Variants in SERPINC1 observed in about 807,000 individuals in gnomAD.
The protein encoded by SERPINC1 is serpin family C member 1.
Under a neutral mutation model 43.4 loss-of-function variants are expected in SERPINC1, and 12 were observed. The ratio of observed to expected loss-of-function variants is 0.28; its 90% CI spans 0.18 to 0.45. The LOEUF is 0.45. Among genes scored for constraint, SERPINC1 ranks in the 20% least tolerant of loss-of-function variants. The pLI is 1.00. For missense variants in SERPINC1, 423 were observed against 578.8 expected (o/e 0.73, Z 2.76); for synonymous variants, 210 against 218.9 (o/e 0.96, Z 0.36).
chr1:173,914,801 T>G lies in SERPINC1; in HGVS notation c.160A>C (p.Ile54Leu), dbSNP rs780670128. The change falls in exon 2 of 7, where the codon ATT becomes CTT. Residue 54 changes from isoleucine to leucine, a missense_variant. Coordinates refer to ENST00000367698, the MANE Select transcript of SERPINC1 (RefSeq NM_000488.4). ...PRDIPMNPMC[I>L]YRSPEKKATE... ...GCCTTCTTCTCCGGGGAGCGGTAAA[T>G]GCACATGGGATTCATGGGAATGTCC... 6.2e-7 allele frequency: 1 copy of G among 1,614,022 alleles called. No individual in the cohort carries two copies. Among genetic ancestry groups the G allele is most frequent in the Admixed American group, 1.7e-5 (1 of 60,006 alleles).
chr1:173,913,077 G>A (rs999541952), intron 2 of SERPINC1, among the ~76,000 whole-genome samples: 1 of 152,176 alleles, frequency 6.6e-6, no homozygotes, highest in African/African-American at 2.4e-5. Flanking sequence ...CATGGAAATT[G>A]ACCACTAGAA....
At chr1:173,914,411 G>A in intron 2 of SERPINC1, 142 bp downstream of exon 2, 1 of 906,132 alleles carries the variant, frequency 1.1e-6, no homozygotes, top group Middle Eastern at 3.3e-4. Context: ...TTATAACACA[G>A]TGATGTTCAA....
At chr1:173,905,736 T>A (rs1657476166) in intron 6 of SERPINC1, among the ~76,000 whole-genome samples, 1 of 146,984 alleles carries the variant, frequency 6.8e-6, no homozygotes, top group Non-Finnish European at 1.5e-5. Context: ...AAAAAAAAAA[T>A]CTCATTAGGA....
chr1:173,907,211 C>T (rs1657554329), intron 6 of SERPINC1, among the ~76,000 whole-genome samples: 1 of 152,122 alleles, frequency 6.6e-6, no homozygotes, highest in Non-Finnish European at 1.5e-5. Context: ...CCTTTGCTGG[C>T]TTCTTTTCCT....
Position 173,907,890 on chromosome 1 carries a change from A to G in SERPINC1, c.1154-376T>C, listed in dbSNP as rs542404987. ...CAGCTACTTGGAAGACTGAGGCAGG[A>G]GAATCGCTTGAACTCGGGAGGTGGA... On this transcript the variant is annotated intron_variant, in intron 5 of 6. Transcript: ENST00000367698. 9.8e-4 allele frequency among the ~76,000 whole-genome samples: 148 copies of G among 151,752 alleles called. 1 individual carries two copies. The highest frequency in any genetic ancestry group is 1.8e-3 in the Non-Finnish European group (119 of 67,962).
At chr1:173,909,265 C>T (rs1356304489) in intron 5 of SERPINC1, among the ~76,000 whole-genome samples, 41 of 152,166 alleles carry the variant, frequency 2.7e-4, no homozygotes, top group Non-Finnish European at 2.8e-4. Flanking sequence ...ATTCCAATGC[C>T]CTTTCAAATT....
intron 5 of SERPINC1, 135 bp from the exon 6 acceptor site, chr1:173,907,649 A>G: frequency 1.3e-6 from 1 of 759,758 alleles, no homozygotes; most frequent in Non-Finnish European, 2.4e-6. Context: ...TCTTCACCTA[A>G]TCATACTCTC....
chr1:173,904,072 G>T lies in SERPINC1; in HGVS notation c.1219-7C>A. 1 of 1,614,024 alleles carries T rather than the reference G, an allele frequency of 6.2e-7. No individual in the cohort carries two copies. Among genetic ancestry groups the T allele is most frequent in the South Asian group, 1.1e-5 (1 of 91,080 alleles). ...CACTGCCTTCTTCATTTACCTGCAG[G>T]TCACATGGGAAATAAAACTAAATTA... On this transcript the variant is annotated splice_region_variant and splice_polypyrimidine_tract_variant and intron_variant, in intron 6 of 6. Coordinates refer to ENST00000367698, the MANE Select transcript of SERPINC1 (RefSeq NM_000488.4).
Position 173,908,653 on chromosome 1 carries a change from C to T in SERPINC1, c.1153+899G>A, listed in dbSNP as rs760506236. ...ACAGTACACCACAGCGTTGACCTCC[C>T]GGACTCAGGCAATCCTCCCAGCTCT... is the stretch of plus-strand genomic sequence containing the variant. On this transcript the variant is annotated intron_variant, in intron 5 of 6. Transcript: ENST00000367698. Among the ~76,000 whole-genome samples the T allele has an allele frequency of 5.9e-5, 9 of 152,166 alleles. No individual in the cohort carries two copies. The East Asian group carries it at 7.8e-4, about 13-fold the overall frequency.
chr1:173,909,733 C>T lies in SERPINC1; in HGVS notation c.972G>A (p.Leu324=), dbSNP rs1657684128. The T allele has an allele frequency of 6.2e-7, 1 of 1,614,076 alleles. No individual in the cohort carries two copies. Among genetic ancestry groups the T allele is most frequent in the Admixed American group, 1.7e-5 (1 of 60,010 alleles). ...GGGTGAGTTCCTTCTCTACCTTGGC[C>T]AGGCTCTTCTCAGGCTTGGGCAAGA... ...VLILPKPEKS[L]AKVEKELTPE... Residue 324 remains leucine, a synonymous_variant, in exon 5 of 7, where the codon CTG becomes CTA. Coordinates refer to ENST00000367698, the MANE Select transcript of SERPINC1 (RefSeq NM_000488.4).
At chr1:173,911,769 C>A in intron 3 of SERPINC1, 30 bp downstream of exon 3, 2 of 1,546,216 alleles carry the variant, frequency 1.3e-6, no homozygotes, top group South Asian at 1.1e-5. Flanking sequence ...AGGAAGAACT[C>A]GGAGGTCAGG....
Position 173,903,888 on chromosome 1 carries a change from T to TTTAC in SERPINC1, c.1392_1395dup. Reference sequence around the variant, plus strand: ...GAAGAGGTGCAAAGAATAAGAACATTTTACTTAACACAAGGGTTGGCTACT... The same window carrying TTTAC: ...GAAGAGGTGCAAAGAATAAGAACATTTTACTTACTTAACACAAGGGTTGGCTACT... On this transcript the variant is annotated 3_prime_UTR_variant, in exon 7 of 7. Coordinates refer to ENST00000367698, the MANE Select transcript of SERPINC1 (RefSeq NM_000488.4). 6.2e-7 allele frequency: 1 copy of TTTAC among 1,613,884 alleles called. No homozygotes were observed. Among genetic ancestry groups the TTTAC allele is most frequent in the African/African-American group, 1.3e-5 (1 of 75,050 alleles).
In SERPINC1 at chr1:173,904,189, G is replaced by A. The variant is rs1657385653; in HGVS notation, c.1219-124C>T. On this transcript the variant is annotated intron_variant, in intron 6 of 6. Transcript: ENST00000367698. ...GTTTTCCAGTAAAAAGTACATTTGG[G>A]TCAGGTTGGATTCCCTCCAGAATCC... 1.1e-5 allele frequency: 10 copies of A among 907,346 alleles called. No homozygotes were observed. In the South Asian group the frequency reaches 1.3e-4, roughly 12 times the overall value. 56.2% of individuals were successfully genotyped at this position (907,346 alleles called of 1,614,324 possible).
chr1:173,911,704 C>A lies in SERPINC1; in HGVS notation c.624+95G>T, dbSNP rs949205423. The A allele has an allele frequency of 4.0e-6, 4 of 1,005,866 alleles. No homozygotes were observed. In the Admixed American group the frequency reaches 7.0e-5, roughly 18 times the overall value. 62.3% of individuals were successfully genotyped at this position (1,005,866 alleles called of 1,614,324 possible). On this transcript the variant is annotated intron_variant, in intron 3 of 6. Coordinates refer to ENST00000367698, the MANE Select transcript of SERPINC1 (RefSeq NM_000488.4). ...TCAGCCCTCCAGCAGTCTTCAGCAG[C>A]AAAGCAGTGTGAATTTGGATGCTGT...
intron 2 of SERPINC1, 54 bp from the exon 3 acceptor site, chr1:173,912,068 T>A: frequency 2.3e-6 from 3 of 1,303,222 alleles, no homozygotes; most frequent in Non-Finnish European, 3.3e-6. Context: ...CTAGTTAACA[T>A]GGGTGGTGAG....
chr1:173,909,365 C>T (rs1486444198), intron 5 of SERPINC1, among the ~76,000 whole-genome samples, 187 bp downstream of exon 5: 1 of 152,206 alleles, frequency 6.6e-6, no homozygotes, highest in East Asian at 1.9e-4. Context: ...GAACAAACTT[C>T]CCTTTTACAG....
chr1:173,905,438 G>A (rs1657454217), intron 6 of SERPINC1, among the ~76,000 whole-genome samples: 2 of 150,228 alleles, frequency 1.3e-5, no homozygotes, highest in Non-Finnish European at 2.9e-5. Context: ...TATCTCAGTA[G>A]GCCGGGCACG....
At chr1:173,907,571 C>T in intron 5 of SERPINC1, 57 bp from the exon 6 acceptor site, 1 of 1,233,468 alleles carries the variant, frequency 8.1e-7, no homozygotes, top group Non-Finnish European at 1.2e-6. Flanking sequence ...CTTCAACCCA[C>T]AGATGGGAAT....
intron 6 of SERPINC1, among the ~76,000 whole-genome samples, chr1:173,906,565 C>T (rs896460602): frequency 3.3e-5 from 5 of 152,188 alleles, no homozygotes; most frequent in African/African-American, 1.2e-4. Context: ...TGCTCTTCAT[C>T]CATTACAATT....
Sources: gnomAD v4.1 joint callset for allele counts (sites outside exome capture counted in the v4.1 genomes callset) on GRCh38, gnomAD v4.1.1 for gene constraint, MANE v1.5 for transcripts, NCBI Gene and HGNC (gene_info 2026-07-23, HGNC 2026-07-21) for gene names.